Variants in EYA4 observed in about 807,000 individuals in gnomAD.
EYA4 encodes EYA transcriptional coactivator and phosphatase 4.
A neutral mutation model predicts 87.9 loss-of-function variants in EYA4; 31 were observed. The ratio of observed to expected loss-of-function variants is 0.35; its 90% CI spans 0.27 to 0.48. The LOEUF is 0.48. Among genes scored for constraint, EYA4 ranks in the 20% least tolerant of loss-of-function variants. The pLI is 0.99. For missense variants in EYA4, 678 were observed against 761.4 expected, an observed-to-expected ratio of 0.89 and a Z score of 1.29; for synonymous variants, 263 against 270.6, an observed-to-expected ratio of 0.97 and a Z score of 0.28.
At chr6:133,441,553 G>A (rs1480794003) in intron 3 of EYA4, among the ~76,000 whole-genome samples, 2 of 152,210 alleles carry the variant, frequency 1.3e-5, no homozygotes, top group East Asian at 3.8e-4. Context: ...GAGGCACATA[G>A]CCCCTGCTGC....
At chr6:133,449,726 A>G (rs1793231144) in intron 5 of EYA4, among the ~76,000 whole-genome samples, 1 of 152,256 alleles carries the variant, frequency 6.6e-6, no homozygotes, top group Admixed American at 6.5e-5. Flanking sequence ...TAGATAATGT[A>G]TATAAATTGC....
intron 3 of EYA4, among the ~76,000 whole-genome samples, chr6:133,401,780 A>T (rs1322833980): frequency 6.6e-6 from 1 of 152,168 alleles, no homozygotes; most frequent in African/African-American, 2.4e-5. Flanking sequence ...TTGTACAAAT[A>T]ACTCTAGAGA....
At chr6:133,270,747 G>A (rs530054782) in intron 1 of EYA4, among the ~76,000 whole-genome samples, 11 of 152,102 alleles carry the variant, frequency 7.2e-5, no homozygotes, top group East Asian at 1.9e-4. Flanking sequence ...ATCATAGGGC[G>A]TGGTAATACT....
chr6:133,298,926 C>T (rs1186035099), intron 2 of EYA4, among the ~76,000 whole-genome samples: 1 of 152,200 alleles, frequency 6.6e-6, no homozygotes. Context: ...TTTGTATCCA[C>T]AGCTCTGCTG....
At chr6:133,280,623 C>G (rs1227984539) in intron 2 of EYA4, among the ~76,000 whole-genome samples, 5 of 152,060 alleles carry the variant, frequency 3.3e-5, no homozygotes, top group Non-Finnish European at 7.4e-5. Context: ...GTCTCAATCT[C>G]CTGACCTCAT....
At chr6:133,415,326 C>T (rs558251902) in intron 3 of EYA4, among the ~76,000 whole-genome samples, 18 of 152,284 alleles carry the variant, frequency 1.2e-4, no homozygotes, top group Admixed American at 2.6e-4. Flanking sequence ...CCCCATTCCT[C>T]TCAGAATAAA....
At chr6:133,498,902 ACT>A (rs896972488) in intron 13 of EYA4, among the ~76,000 whole-genome samples, 7 of 152,028 alleles carry the variant, frequency 4.6e-5, no homozygotes, top group African/African-American at 1.4e-4. Context: ...AAATGGAATG[ACT>A]CTGCGTGATC....
chr6:133,322,828 C>G (rs971485053), intron 2 of EYA4, among the ~76,000 whole-genome samples: 1 of 152,108 alleles, frequency 6.6e-6, no homozygotes, highest in African/African-American at 2.4e-5. Context: ...TGAATTACCT[C>G]TAGTAAAAGT....
At chr6:133,264,709 G>A (rs972355568) in intron 1 of EYA4, among the ~76,000 whole-genome samples, 2 of 152,172 alleles carry the variant, frequency 1.3e-5, no homozygotes, top group African/African-American at 4.8e-5. Flanking sequence ...GTTTCCATGT[G>A]CAGCGTCGGT....
intron 2 of EYA4, among the ~76,000 whole-genome samples, chr6:133,370,371 C>G (rs1785173284): frequency 6.6e-6 from 1 of 152,098 alleles, no homozygotes; most frequent in Non-Finnish European, 1.5e-5. Context: ...GCAGTTCTAT[C>G]TCAGAGAAAA....
intron 2 of EYA4, among the ~76,000 whole-genome samples, chr6:133,296,176 TTGG>T (rs1778930644): frequency 6.6e-6 from 1 of 152,062 alleles, no homozygotes; most frequent in Admixed American, 6.6e-5. Context: ...AAGTGGGGAC[TTGG>T]TGGCATGATC....
In EYA4 at chr6:133,529,136, C is replaced by T. The variant is rs546518910; in HGVS notation, c.*331C>T. ...CTGGCAAAGCAGCAACACACATGCT[C>T]CGTCTGACAAGGTGGTCAACAACAT... On this transcript the variant is annotated 3_prime_UTR_variant, in exon 20 of 20. Coordinates refer to ENST00000355286, the MANE Select transcript of EYA4 (RefSeq NM_004100.5). The T allele has an allele frequency of 1.2e-4, 142 of 1,188,380 alleles. 2 individuals are homozygous for T. The South Asian group carries it at 2.1e-3, about 17-fold the overall frequency. The allele number at this position is 1,188,380 out of a possible 1,614,324, so 73.6% of individuals were successfully genotyped here.
At chr6:133,278,924 A>C (rs1223440615) in intron 2 of EYA4, among the ~76,000 whole-genome samples, 8 of 152,200 alleles carry the variant, frequency 5.3e-5, no homozygotes, top group Non-Finnish European at 1.0e-4. Flanking sequence ...AATGGCTGTG[A>C]ATGTAGGTTA....
intron 1 of EYA4, among the ~76,000 whole-genome samples, chr6:133,259,029 T>A (rs913007567): frequency 3.3e-5 from 5 of 152,324 alleles, no homozygotes; most frequent in Admixed American, 2.0e-4. Flanking sequence ...TTGGTATACA[T>A]TAATGTTGAT....
Position 133,446,683 on chromosome 6 carries a change from A to G in EYA4, c.137A>G (p.Asp46Gly), listed in dbSNP as rs1439822731. 2 of 1,613,386 alleles carry G rather than the reference A, an allele frequency of 1.2e-6. No individual in the cohort carries two copies. The highest frequency in any genetic ancestry group is 3.3e-5 in the Admixed American group (2 of 59,996). The change falls in exon 4 of 20, where the codon GAT becomes GGT. Residue 46 changes from aspartate to glycine, a missense_variant. Physicochemically the swap from Asp to Gly is moderately conservative, Grantham distance 94. Transcript: ENST00000355286. ...CCTCATACTCTTGTTGGAGGTGGTG[A>G]TACTCCAGGTAGCTCCAAACTGGAA... ...ASPHTLVGGG[D>G]TPGSSKLEKS... is the part of the protein sequence containing the mutation.
At chr6:133,422,316 C>T (rs1790288645) in intron 3 of EYA4, among the ~76,000 whole-genome samples, 1 of 152,102 alleles carries the variant, frequency 6.6e-6, no homozygotes, top group Non-Finnish European at 1.5e-5. Context: ...TTTATGAATT[C>T]AGAAACAATA....
Position 133,357,270 on chromosome 6 carries a change from C to CAAAAAA in EYA4, c.34-25103_34-25098dup, listed in dbSNP as rs754202361. Among the ~76,000 whole-genome samples the CAAAAAA allele has an allele frequency of 3.0e-3, 199 of 65,282 alleles. 7 individuals carry two copies. The highest frequency in any genetic ancestry group is 0.012 in the African/African-American group (179 of 15,092). The allele number at this position is 65,282 out of a possible 152,430, so 42.8% of individuals were successfully genotyped here. ...TGGGCGACAGAGCGAGACTCCGTCT[C>CAAAAAA]AAAAAAAAAAAAAAAAAAAAAAAAG... On this transcript the variant is annotated intron_variant, in intron 2 of 19. Coordinates refer to ENST00000355286, the MANE Select transcript of EYA4 (RefSeq NM_004100.5).
At chr6:133,274,836 GCTGAAAAAAGTTGCGATAACACTA>G (rs751952960) in intron 2 of EYA4, 23 bp downstream of exon 2, 1 of 1,609,242 alleles carries the variant, frequency 6.2e-7, no homozygotes, top group Non-Finnish European at 8.5e-7. Context: ...TCTCAGTTTT[GCTGAAAAAAGTTGCGATAACACTA>G]CTGAAAATCA....
At chr6:133,384,041 A>C (rs1786488078) in intron 3 of EYA4, among the ~76,000 whole-genome samples, 1 of 152,164 alleles carries the variant, frequency 6.6e-6, no homozygotes, top group Admixed American at 6.5e-5. Context: ...AGAACAATAT[A>C]ATCATCCTTA....
Sources: allele counts gnomAD v4.1 joint callset (sites outside exome capture counted in the v4.1 genomes callset), GRCh38; gene constraint gnomAD v4.1.1; transcripts MANE v1.5; gene names NCBI Gene and HGNC (gene_info 2026-07-23, HGNC 2026-07-21).